The following NFATC3 variants were observed in gnomAD, a reference collection of about 807,000 sequenced individuals.
The protein encoded by NFATC3 is nuclear factor of activated T-cells, cytoplasmic 3.
Under a neutral mutation model 98.6 loss-of-function variants are expected in NFATC3, and 46 were observed. The observed-to-expected ratio is 0.47, with a 90% CI of 0.37 to 0.60. The LOEUF is 0.60. Among genes scored for constraint, NFATC3 ranks in the 20% least tolerant of loss-of-function variants. The pLI is 0.00. For missense variants in NFATC3, 1,256 were observed against 1,295.5 expected (o/e 0.97, Z 0.47); for synonymous variants, 512 against 472.2 (o/e 1.08, Z -1.09).
chr16:68,161,152 A>C (rs939286233), intron 4 of NFATC3, among the ~76,000 whole-genome samples: 4 of 152,248 alleles, frequency 2.6e-5, no homozygotes, highest in African/African-American at 9.6e-5. Context: ...TGAGAATACA[A>C]GTAGGCTTCT....
At chr16:68,210,369 G>A (rs1014728900) in intron 9 of NFATC3, among the ~76,000 whole-genome samples, 2 of 151,922 alleles carry the variant, frequency 1.3e-5, no homozygotes, top group African/African-American at 4.8e-5. Flanking sequence ...TACTTGGGAA[G>A]CTGAAGTGGG....
intron 9 of NFATC3, among the ~76,000 whole-genome samples, chr16:68,221,917 G>A (rs1457671436): frequency 6.6e-6 from 1 of 152,050 alleles, no homozygotes; most frequent in Non-Finnish European, 1.5e-5. Flanking sequence ...AAGTGTACTT[G>A]GTAAGTGGAT....
chr16:68,136,927 A>T (rs1487401438), intron 3 of NFATC3, among the ~76,000 whole-genome samples: 1 of 152,220 alleles, frequency 6.6e-6, no homozygotes, highest in Non-Finnish European at 1.5e-5. Flanking sequence ...TAAAAATAGT[A>T]TACCTGAATA....
chr16:68,181,378 T>G, intron 6 of NFATC3, 97 bp from the exon 7 acceptor site: 1 of 814,482 alleles, frequency 1.2e-6, no homozygotes, highest in Non-Finnish European at 2.1e-6. Context: ...AAAGATCCCC[T>G]TTGTTAATAA....
chr16:68,122,360 G>A lies in NFATC3; in HGVS notation c.477G>A (p.Glu159=). 1 of 1,614,158 alleles carries A rather than the reference G, an allele frequency of 6.2e-7. No homozygotes were observed. Among genetic ancestry groups the A allele is most frequent in the Middle Eastern group, 1.6e-4 (1 of 6,062 alleles). The stretch of plus-strand genomic sequence containing the variant: ...TTCCTCTTGAGCCATCCTACCGGGA[G>A]TCTTCTCTTAGTCCTAGTCCTGCCA... ...LYLPLEPSYR[E]SSLSPSPASS... The change falls in exon 2 of 10, where the codon GAG becomes GAA. Residue 159 remains glutamate, a synonymous_variant. Coordinates refer to ENST00000346183, the MANE Select transcript of NFATC3 (RefSeq NM_173165.3).
At chr16:68,098,073 ATGTATAG>A (rs1183573824) in intron 1 of NFATC3, among the ~76,000 whole-genome samples, 1 of 152,010 alleles carries the variant, frequency 6.6e-6, no homozygotes, top group Non-Finnish European at 1.5e-5. Flanking sequence ...GCCATTATGT[ATGTATAG>A]TACAATTTAT....
In NFATC3 at chr16:68,225,381, C is replaced by T. The variant is rs1302942869; in HGVS notation, c.3107-969C>T. ...TCTCTATGGATTGGCCTGTTCTGGA[C>T]ATTTCATATAAATGGAATCATATAT... On this transcript the variant is annotated intron_variant, in intron 9 of 9. Coordinates refer to ENST00000346183, the MANE Select transcript of NFATC3 (RefSeq NM_173165.3). The T allele has an allele frequency of 2.0e-5, 3 of 152,222 alleles. No homozygotes were observed. In the East Asian group the frequency reaches 5.8e-4, roughly 29 times the overall value. 9.4% of individuals were successfully genotyped at this position (152,222 alleles called of 1,614,324 possible). A position where few individuals can be genotyped will look rare whatever the true frequency, so the allele number is the denominator to read the frequency against.
chr16:68,174,322 T>C (rs1216567940), intron 5 of NFATC3, 52 bp from the exon 6 acceptor site: 1 of 1,324,238 alleles, frequency 7.6e-7, no homozygotes, highest in Non-Finnish European at 9.9e-7. Context: ...GTATCAAAGA[T>C]TTTTAACTAA....
At chr16:68,099,414 G>C (rs1475259949) in intron 1 of NFATC3, among the ~76,000 whole-genome samples, 2 of 151,302 alleles carry the variant, frequency 1.3e-5, no homozygotes, top group Non-Finnish European at 2.9e-5. Flanking sequence ...CAGCCTGGGC[G>C]ACAGAGCGAG....
chr16:68,224,672 G>A (rs1209214940), intron 9 of NFATC3: 1 of 149,882 alleles, frequency 6.7e-6, no homozygotes, highest in African/African-American at 2.5e-5. Flanking sequence ...CCACATTCCA[G>A]GTTCAAGCAA....
intron 1 of NFATC3, among the ~76,000 whole-genome samples, chr16:68,107,704 CAG>C (rs1407639722): frequency 2.6e-5 from 4 of 151,970 alleles, no homozygotes; most frequent in Non-Finnish European, 5.9e-5. Context: ...GCCTAGGCGA[CAG>C]AGTGAGACAC....
intron 1 of NFATC3, among the ~76,000 whole-genome samples, chr16:68,103,599 C>A (rs909280929): frequency 1.1e-4 from 17 of 152,332 alleles, no homozygotes; most frequent in African/African-American, 4.1e-4. Context: ...TGTGCTTTTA[C>A]TATTAAGAAT....
chr16:68,213,211 C>T (rs2041491028), intron 9 of NFATC3, among the ~76,000 whole-genome samples: 1 of 149,810 alleles, frequency 6.7e-6, no homozygotes, highest in Non-Finnish European at 1.5e-5. Flanking sequence ...GTCAGGAGAT[C>T]AAGACCATCC....
chr16:68,121,535 G>A (rs971967633), intron 1 of NFATC3, among the ~76,000 whole-genome samples: 1 of 151,662 alleles, frequency 6.6e-6, no homozygotes, highest in Non-Finnish European at 1.5e-5. Context: ...AACCAGGAGT[G>A]TGGCATGTAC....
intron 9 of NFATC3, among the ~76,000 whole-genome samples, chr16:68,216,825 A>C (rs1048942815): frequency 6.6e-6 from 1 of 151,940 alleles, no homozygotes; most frequent in African/African-American, 2.4e-5. Flanking sequence ...GAGCCACTAC[A>C]CCCGGCCAAG....
chr16:68,167,576 G>T (rs2039253342), intron 5 of NFATC3, among the ~76,000 whole-genome samples: 1 of 152,048 alleles, frequency 6.6e-6, no homozygotes. Context: ...TGGATCTTGG[G>T]CAGGTTAGCT....
rs1245628123 is a variant in NFATC3, at chr16:68,192,226, AAAAAATATAT to A, written c.3106+453_3106+462del. 31 of 59,634 alleles carry A rather than the reference AAAAAATATAT, an allele frequency of 5.2e-4. 1 individual carries two copies. Among genetic ancestry groups the A allele is most frequent in the African/African-American group, 7.5e-4 (12 of 16,012 alleles). 3.7% of individuals were successfully genotyped at this position (59,634 alleles called of 1,614,324 possible). A position where few individuals can be genotyped will look rare whatever the true frequency, so the allele number is the denominator to read the frequency against. Reference sequence around the variant, plus strand: ...CCGTCTCGGGAAAAAAAAAAAAAAAAAAAAATATATATATATATATATATATATGTATGTG... The same window carrying A: ...CCGTCTCGGGAAAAAAAAAAAAAAAAATATATATATATATATATGTATGTG... On this transcript the variant is annotated intron_variant, in intron 9 of 9. Coordinates refer to ENST00000346183, the MANE Select transcript of NFATC3 (RefSeq NM_173165.3).
At chr16:68,116,431 C>T (rs1229848131) in intron 1 of NFATC3, among the ~76,000 whole-genome samples, 2 of 152,032 alleles carry the variant, frequency 1.3e-5, no homozygotes, top group Non-Finnish European at 2.9e-5. Flanking sequence ...TTGCATGAGT[C>T]CCTCTGGTGG....
At chr16:68,180,489 TG>T (rs2039907425) in intron 6 of NFATC3, among the ~76,000 whole-genome samples, 1 of 152,104 alleles carries the variant, frequency 6.6e-6, no homozygotes, top group Admixed American at 6.6e-5. Context: ...GGCTTTTATT[TG>T]TTTTTTATTT....
Sources: gnomAD v4.1 joint callset for allele counts (sites outside exome capture counted in the v4.1 genomes callset) on GRCh38, gnomAD v4.1.1 for gene constraint, MANE v1.5 for transcripts, NCBI Gene and HGNC (gene_info 2026-07-23, HGNC 2026-07-21) for gene names.